Variants in TRHDE observed in about 807,000 individuals in gnomAD.
The protein encoded by TRHDE is thyrotropin-releasing hormone-degrading ectoenzyme.
TRHDE carries 72 observed loss-of-function variants against 125.7 expected under a neutral mutation model. The observed-to-expected ratio is 0.57, with a 90% CI of 0.47 to 0.70. TRHDE has a LOEUF of 0.70. Ranked by LOEUF, TRHDE falls within the 30% of genes least tolerant of loss-of-function variation. The pLI, the probability that TRHDE is intolerant of heterozygous loss-of-function variation, is 0.00. For missense variants in TRHDE, 1,110 were observed against 1,327.1 expected (o/e 0.84, Z 2.54); for synonymous variants, 509 against 509.1 (o/e 1.00, Z 0.00).
chr12:72,473,412 G>A (rs686409), intron 5 of TRHDE, among the ~76,000 whole-genome samples: 59,541 of 151,894 alleles, frequency 0.39, 14,097 homozygotes, highest in African/African-American at 0.66. Context: ...CAATTTACCT[G>A]AATAGAAATA....
At chr12:72,654,491 GT>G (rs1425596142) in intron 17 of TRHDE, among the ~76,000 whole-genome samples, 1 of 152,044 alleles carries the variant, frequency 6.6e-6, no homozygotes, top group Non-Finnish European at 1.5e-5. Flanking sequence ...TACTCTCATG[GT>G]TTCAATTACT....
At chr12:72,300,238 A>T (rs1202762100) in intron 2 of TRHDE, among the ~76,000 whole-genome samples, 1 of 152,072 alleles carries the variant, frequency 6.6e-6, no homozygotes, top group East Asian at 1.9e-4. Context: ...TTTTTGAATC[A>T]TTGTGCTAAT....
chr12:72,338,155 A>G (rs1292553964), intron 2 of TRHDE, among the ~76,000 whole-genome samples: 1 of 152,136 alleles, frequency 6.6e-6, no homozygotes, highest in African/African-American at 2.4e-5. Context: ...TCTTGGCTAT[A>G]CTTATTTATT....
chr12:72,362,575 C>T (rs1871149583), intron 2 of TRHDE, among the ~76,000 whole-genome samples: 1 of 150,502 alleles, frequency 6.6e-6, no homozygotes, highest in Non-Finnish European at 1.5e-5. Context: ...TAATTAGATC[C>T]CATTTGTCAA....
At chr12:72,316,566 G>A (rs1868813204) in intron 2 of TRHDE, among the ~76,000 whole-genome samples, 1 of 152,122 alleles carries the variant, frequency 6.6e-6, no homozygotes, top group African/African-American at 2.4e-5. Flanking sequence ...ATTCCGAAAG[G>A]AAAGTGCTGT....
intron 2 of TRHDE, among the ~76,000 whole-genome samples, chr12:72,332,572 A>G (rs1472957758): frequency 6.6e-6 from 1 of 152,212 alleles, no homozygotes. Flanking sequence ...AACATTGGCA[A>G]TCACATTTCA....
At chr12:72,306,969 T>A (rs1366299820) in intron 2 of TRHDE, among the ~76,000 whole-genome samples, 1 of 152,130 alleles carries the variant, frequency 6.6e-6, no homozygotes, top group Non-Finnish European at 1.5e-5. Flanking sequence ...GGCAGAGGAA[T>A]GCCTAGAATG....
intron 2 of TRHDE, among the ~76,000 whole-genome samples, chr12:72,171,252 G>GAAAA (rs149653500): frequency 1.3e-5 from 2 of 148,476 alleles, no homozygotes; most frequent in East Asian, 3.9e-4. Context: ...AAATGTCCAA[G>GAAAA]AAAAAAAAAA....
At chr12:72,659,703 G>GAGCACAAACAA (rs1874841421) in intron 18 of TRHDE, among the ~76,000 whole-genome samples, 1 of 152,094 alleles carries the variant, frequency 6.6e-6, no homozygotes, top group South Asian at 2.1e-4. Context: ...ATGCTAAGAA[G>GAGCACAAACAA]ATAGGGAGCA....
intron 3 of TRHDE, among the ~76,000 whole-genome samples, chr12:72,425,613 C>A (rs1223972523): frequency 6.6e-6 from 1 of 151,926 alleles, no homozygotes; most frequent in Non-Finnish European, 1.5e-5. Context: ...GTGGAAAAAA[C>A]AACATTTTTC....
chr12:72,644,181 A>G (rs1874183441), intron 15 of TRHDE, among the ~76,000 whole-genome samples: 1 of 152,214 alleles, frequency 6.6e-6, no homozygotes, highest in South Asian at 2.1e-4. Context: ...ACCACTCATC[A>G]AAGCTAGTAG....
chr12:72,659,863 T>TTAGCAGGTA (rs1341905861), intron 18 of TRHDE, among the ~76,000 whole-genome samples: 1 of 152,162 alleles, frequency 6.6e-6, no homozygotes, highest in Non-Finnish European at 1.5e-5. Flanking sequence ...CCTACAGGAC[T>TTAGCAGGTA]TAGCAGGTAT....
chr12:72,194,263 T>C (rs1168520311), intron 2 of TRHDE, among the ~76,000 whole-genome samples: 1 of 152,032 alleles, frequency 6.6e-6, no homozygotes, highest in Non-Finnish European at 1.5e-5. Context: ...ATAACATATA[T>C]TTTTGTTTAA....
intron 6 of TRHDE, among the ~76,000 whole-genome samples, chr12:72,513,708 T>TA (rs1878705717): frequency 6.6e-6 from 1 of 152,000 alleles, no homozygotes; most frequent in Non-Finnish European, 1.5e-5. Context: ...GATTTTTTTT[T>TA]AAAAGTACAA....
chr12:72,323,330 T>C (rs1592544211), intron 2 of TRHDE, among the ~76,000 whole-genome samples: 1 of 152,154 alleles, frequency 6.6e-6, no homozygotes, highest in East Asian at 1.9e-4. Context: ...ATTTTCCAGA[T>C]TAACTACACA....
Position 72,638,920 on chromosome 12 carries a change from C to T in TRHDE, c.2676-13402C>T, listed in dbSNP as rs568129680. Among the ~76,000 whole-genome samples the T allele has an allele frequency of 3.2e-3, 494 of 152,136 alleles. 3 individuals carry two copies. The highest frequency in any genetic ancestry group is 0.011 in the African/African-American group (448 of 41,458). ...CCTTTGAGGGTAACCCGACCTTCCT[C>T]TCTGGCTGCCCTTAACATTTTTTCC... is the stretch of plus-strand genomic sequence containing the variant. On this transcript the variant is annotated intron_variant, in intron 15 of 18. Transcript: ENST00000261180.
chr12:72,258,960 T>G (rs1231735644), intron 2 of TRHDE, among the ~76,000 whole-genome samples: 1 of 152,206 alleles, frequency 6.6e-6, no homozygotes, highest in African/African-American at 2.4e-5. Flanking sequence ...AGTGTTAACT[T>G]TGATCACTTC....
chr12:72,588,724 G>T (rs1488375691), intron 12 of TRHDE, among the ~76,000 whole-genome samples: 2 of 152,124 alleles, frequency 1.3e-5, no homozygotes, highest in African/African-American at 4.8e-5. Context: ...TGTTGAAGAT[G>T]ATACTATGGC....
intron 3 of TRHDE, among the ~76,000 whole-genome samples, chr12:72,424,173 T>C (rs1874087608): frequency 6.6e-6 from 1 of 152,188 alleles, no homozygotes; most frequent in Non-Finnish European, 1.5e-5. Flanking sequence ...AGACTCTGGG[T>C]GGGATCTTCC....
Sources: gnomAD v4.1 joint callset for allele counts (sites outside exome capture counted in the v4.1 genomes callset) on GRCh38, gnomAD v4.1.1 for gene constraint, MANE v1.5 for transcripts, NCBI Gene and HGNC (gene_info 2026-07-23, HGNC 2026-07-21) for gene names.